Variants in OXR1 observed in about 807,000 individuals in gnomAD.
OXR1 encodes the protein oxidation resistance 1, also known as oxidation resistance protein 1.
Under a neutral mutation model 104.6 loss-of-function variants are expected in OXR1, and 41 were observed. The observed-to-expected ratio is 0.39, with a 90% confidence interval of 0.31 to 0.51. The LOEUF is 0.51. Among genes scored for constraint, OXR1 ranks in the 20% least tolerant of loss-of-function variants. The pLI, the probability that OXR1 is intolerant of heterozygous loss-of-function variation, is 0.77. For synonymous variants in OXR1, 348 were observed against 348.4 expected (o/e 1.00, Z 0.01); for missense variants, 955 against 1,031.9 (o/e 0.93, Z 1.02).
chr8:106,468,421 C>CA, intron 2 of OXR1, among the ~76,000 whole-genome samples: 1 of 151,572 alleles, frequency 6.6e-6, no homozygotes, highest in East Asian at 2.0e-4. Flanking sequence ...CACACACACA[C>CA]AAAAAACAAC....
chr8:106,521,582 G>A (rs552128645), intron 3 of OXR1, among the ~76,000 whole-genome samples: 4 of 152,198 alleles, frequency 2.6e-5, no homozygotes, highest in East Asian at 1.9e-4. Flanking sequence ...GTGCGATCTC[G>A]GCTCACTGCA....
At chr8:106,526,186 A>G (rs995106902) in intron 3 of OXR1, among the ~76,000 whole-genome samples, 1 of 152,238 alleles carries the variant, frequency 6.6e-6, no homozygotes, top group Non-Finnish European at 1.5e-5. Flanking sequence ...TACAATTTTT[A>G]TGGACATTCT....
In OXR1 at chr8:106,372,733, C is replaced by T. The variant is rs145524089; in HGVS notation, c.23+13097C>T. Among the ~76,000 whole-genome samples, 705 of 152,164 alleles carry T rather than the reference C, an allele frequency of 4.6e-3. 10 individuals carry two copies. The highest frequency in any genetic ancestry group is 0.016 in the African/African-American group (671 of 41,520). ...TTTTGGGTTTGGACTTGGGTGCCAC[C>T]CCTGAGTTATCTCATCATAAATGCA... On this transcript the variant is annotated intron_variant, in intron 2 of 16. Coordinates refer to ENST00000517566, the MANE Select transcript of OXR1 (RefSeq NM_001198533.2).
At chr8:106,410,992 A>C (rs930995497) in intron 2 of OXR1, among the ~76,000 whole-genome samples, 37 of 152,172 alleles carry the variant, frequency 2.4e-4, no homozygotes, top group Non-Finnish European at 2.9e-5. Context: ...ACCTGGTACT[A>C]TGCTAAGTGC....
intron 2 of OXR1, among the ~76,000 whole-genome samples, chr8:106,456,081 A>G (rs1003611257): frequency 1.3e-5 from 2 of 152,242 alleles, no homozygotes; most frequent in African/African-American, 4.8e-5. Context: ...AAAAGAGATC[A>G]TTTTGTATTG....
At chr8:106,331,028 T>G (rs1383453272) in intron 1 of OXR1, among the ~76,000 whole-genome samples, 1 of 152,202 alleles carries the variant, frequency 6.6e-6, no homozygotes, top group African/African-American at 2.4e-5. Context: ...ATCTTTCATA[T>G]TAGAATTACT....
chr8:106,642,204 T>C (rs1254758563), intron 3 of OXR1, among the ~76,000 whole-genome samples: 1 of 152,224 alleles, frequency 6.6e-6, no homozygotes, highest in African/African-American at 2.4e-5. Context: ...CTACTTTACA[T>C]GAATTGAAAC....
intron 2 of OXR1, among the ~76,000 whole-genome samples, chr8:106,457,033 T>A (rs922497545): frequency 2.0e-5 from 3 of 152,192 alleles, no homozygotes; most frequent in African/African-American, 7.2e-5. Flanking sequence ...TAGTTCTCCA[T>A]TTCTTGAGCT....
chr8:106,341,863 C>A (rs1379962310), intron 1 of OXR1, among the ~76,000 whole-genome samples: 1 of 147,466 alleles, frequency 6.8e-6, no homozygotes, highest in Non-Finnish European at 1.5e-5. Flanking sequence ...CCATCTATAT[C>A]CCCCACCTCT....
At chr8:106,600,749 C>T (rs1315253018) in intron 3 of OXR1, among the ~76,000 whole-genome samples, 3 of 152,102 alleles carry the variant, frequency 2.0e-5, no homozygotes, top group Non-Finnish European at 1.5e-5. Flanking sequence ...AGGTTTACTT[C>T]TATGGCTCAT....
intron 1 of OXR1, among the ~76,000 whole-genome samples, chr8:106,291,809 T>C (rs1011306569): frequency 6.6e-6 from 1 of 152,132 alleles, no homozygotes; most frequent in African/African-American, 2.4e-5. Context: ...AAAGCATGTT[T>C]TACTAGGTGG....
intron 1 of OXR1, among the ~76,000 whole-genome samples, chr8:106,308,509 A>G (rs1813555881): frequency 1.3e-5 from 2 of 152,322 alleles, no homozygotes; most frequent in African/African-American, 4.8e-5. Flanking sequence ...CTTTAGGTTA[A>G]TATCCCAATA....
chr8:106,496,756 C>G (rs1164605445), intron 2 of OXR1, among the ~76,000 whole-genome samples: 1 of 152,214 alleles, frequency 6.6e-6, no homozygotes, highest in African/African-American at 2.4e-5. Context: ...AGAAGATGGT[C>G]TGCTAATATC....
intron 2 of OXR1, among the ~76,000 whole-genome samples, chr8:106,408,304 G>GT (rs983075444): frequency 7.0e-4 from 104 of 148,794 alleles, no homozygotes; most frequent in Admixed American, 2.4e-3. Flanking sequence ...TCAAAGGTGT[G>GT]TTTTTTTTTT....
chr8:106,404,804 C>T (rs1235261904), intron 2 of OXR1, among the ~76,000 whole-genome samples: 1 of 152,046 alleles, frequency 6.6e-6, no homozygotes, highest in Non-Finnish European at 1.5e-5. Flanking sequence ...CTCCCAGGTT[C>T]ATGCCTTTGT....
At chr8:106,527,627 C>T (rs1375885510) in intron 3 of OXR1, among the ~76,000 whole-genome samples, 1 of 152,172 alleles carries the variant, frequency 6.6e-6, no homozygotes, top group Non-Finnish European at 1.5e-5. Flanking sequence ...TCAATCCAAA[C>T]GTCCTTTACA....
intron 3 of OXR1, among the ~76,000 whole-genome samples, chr8:106,538,815 C>T (rs1814739320): frequency 6.6e-6 from 1 of 152,112 alleles, no homozygotes; most frequent in South Asian, 2.1e-4. Flanking sequence ...AAAATGCATG[C>T]AGAGTGAAAT....
At chr8:106,525,147 C>T (rs990984185) in intron 3 of OXR1, among the ~76,000 whole-genome samples, 1 of 152,158 alleles carries the variant, frequency 6.6e-6, no homozygotes, top group African/African-American at 2.4e-5. Context: ...TGAATCTTGT[C>T]CTTTGAAGTG....
chr8:106,671,963 TATAATA>T (rs200351866), intron 3 of OXR1, among the ~76,000 whole-genome samples: 1,407 of 136,420 alleles, frequency 0.01, 13 homozygotes, highest in Middle Eastern at 0.042. Flanking sequence ...GAACTTAAAG[TATAATA>T]ATAATAATAA....
Sources: gnomAD v4.1 joint callset for allele counts (sites outside exome capture counted in the v4.1 genomes callset) on GRCh38, gnomAD v4.1.1 for gene constraint, MANE v1.5 for transcripts, NCBI Gene and HGNC (gene_info 2026-07-23, HGNC 2026-07-21) for gene names.